Variants in MED20 observed in about 807,000 individuals in gnomAD.
MED20 encodes the protein mediator complex subunit 20.
Under a neutral mutation model 19.7 loss-of-function variants are expected in MED20, and 19 were observed. The ratio of observed to expected loss-of-function variants is 0.96; its 90% CI spans 0.67 to 1.42. MED20 has a LOEUF of 1.42. Among genes scored for constraint, MED20 ranks in the 40% most tolerant of loss-of-function variants. The pLI is 0.00. For missense variants in MED20, 225 were observed against 273.0 expected (o/e 0.82, Z 1.24); for synonymous variants, 105 against 104.8 (o/e 1.00, Z -0.01).
intron 1 of MED20, chr6:41,918,054 G>T: frequency 3.7e-6 from 1 of 266,812 alleles, no homozygotes; most frequent in Non-Finnish European, 7.8e-6. Flanking sequence ...CTCCTATGGT[G>T]AGTGAACCTC....
intron 2 of MED20, chr6:41,913,169 T>C (rs895763355): frequency 2.6e-5 from 4 of 151,640 alleles, no homozygotes; most frequent in African/African-American, 9.7e-5. Flanking sequence ...TCCAAACTAC[T>C]AAGTCAGAAA....
At chr6:41,912,671 C>T (rs1775226563) in intron 2 of MED20, among the ~76,000 whole-genome samples, 3 of 152,030 alleles carry the variant, frequency 2.0e-5, no homozygotes, top group Admixed American at 2.0e-4. Flanking sequence ...ATCGTATTTT[C>T]TATCACAGCA....
rs766509998 is a variant in MED20, at chr6:41,909,293, G to A, written c.399C>T (p.Pro133=). The A allele has an allele frequency of 6.8e-6, 11 of 1,613,868 alleles. No individual in the cohort carries two copies. In the South Asian group the frequency reaches 1.2e-4, roughly 18 times the overall value. ...LVKVGTVTMG[P]SARGISVEVE... ...CCTCCACAGAGATGCCCCGGGCACTGGGCCCCATTGTGACCGTGCCCACCT... is the reference window on the plus strand; with the variant it reads ...CCTCCACAGAGATGCCCCGGGCACTAGGCCCCATTGTGACCGTGCCCACCT... The change falls in exon 3 of 4, where the codon CCC becomes CCT. Residue 133 remains proline (P), a synonymous_variant. Transcript: ENST00000265350.
At chr6:41,916,497 T>G (rs757963571) in intron 2 of MED20, among the ~76,000 whole-genome samples, 3 of 151,538 alleles carry the variant, frequency 2.0e-5, no homozygotes, top group Admixed American at 6.6e-5. Flanking sequence ...GGAGAATCAC[T>G]TGAACCTGGG....
chr6:41,918,296 G>C (rs548916881), intron 1 of MED20, among the ~76,000 whole-genome samples: 1 of 151,758 alleles, frequency 6.6e-6, no homozygotes, highest in African/African-American at 2.4e-5. Flanking sequence ...TTGAGGTCAG[G>C]AGTTCGAGAC....
intron 1 of MED20, chr6:41,917,834 A>G (rs904965539): frequency 1.1e-5 from 5 of 468,608 alleles, no homozygotes; most frequent in Admixed American, 9.4e-5. Flanking sequence ...AGTAGCCCAG[A>G]GCCACAGGTG....
At position 41,918,840 on chromosome 6, in the gene MED20, G is replaced by A. The variant is rs1198722793; in HGVS notation, c.15-1901C>T. ...CGGGCGCCTGTAGTCCCAGCTACTCGGGAGGCTGAGGCAGGAGAATGGCGT... is the reference window on the plus strand; with the variant it reads ...CGGGCGCCTGTAGTCCCAGCTACTCAGGAGGCTGAGGCAGGAGAATGGCGT... On this transcript the variant is annotated intron_variant, in intron 1 of 3. Transcript: ENST00000265350. Among the ~76,000 whole-genome samples, 50 of 149,870 alleles carry A rather than the reference G, an allele frequency of 3.3e-4. No individual in the cohort carries two copies. In the South Asian group the frequency reaches 4.1e-3, roughly 12 times the overall value.
chr6:41,907,400 A>C, intron 3 of MED20, 113 bp from the exon 4 acceptor site: 1 of 941,692 alleles, frequency 1.1e-6, no homozygotes, highest in Non-Finnish European at 1.6e-6. Context: ...CTAAAGACAC[A>C]CACCTCCTAG....
At chr6:41,917,357 G>A (rs186671075) in intron 1 of MED20, 22 of 169,486 alleles carry the variant, frequency 1.3e-4, no homozygotes, top group Admixed American at 6.1e-4. Flanking sequence ...CCGAGACTGC[G>A]CCCTTGCACT....
chr6:41,917,797 A>C (rs2127380933), intron 1 of MED20: 1 of 471,278 alleles, frequency 2.1e-6, no homozygotes, highest in South Asian at 1.5e-5. Context: ...GTTTTTACCA[A>C]CTCTGTGAAC....
At chr6:41,910,070 T>C (rs1368154049) in intron 2 of MED20, among the ~76,000 whole-genome samples, 1 of 152,116 alleles carries the variant, frequency 6.6e-6, no homozygotes, top group East Asian at 1.9e-4. Flanking sequence ...GGATCCAAGC[T>C]GTGATAGGTC....
At chr6:41,913,192 G>T (rs1561937638) in intron 2 of MED20, 1 of 152,150 alleles carries the variant, frequency 6.6e-6, no homozygotes, top group Non-Finnish European at 1.5e-5. Context: ...TTGGCGTGGG[G>T]TCTAGCAATC....
At chr6:41,910,540 G>A (rs1260855263) in intron 2 of MED20, among the ~76,000 whole-genome samples, 1 of 151,196 alleles carries the variant, frequency 6.6e-6, no homozygotes, top group Non-Finnish European at 1.5e-5. Flanking sequence ...GCTGAGGCAC[G>A]AGAATCACCT....
At chr6:41,907,486 T>G (rs1306601411) in intron 3 of MED20, among the ~76,000 whole-genome samples, 199 bp from the exon 4 acceptor site, 1 of 152,130 alleles carries the variant, frequency 6.6e-6, no homozygotes, top group Non-Finnish European at 1.5e-5. Flanking sequence ...ATCTTTGACC[T>G]TCTCATCCTG....
chr6:41,919,772 T>C lies in MED20; in HGVS notation c.14+1233A>G, dbSNP rs143546450. Among the ~76,000 whole-genome samples, 375 of 152,032 alleles carry C rather than the reference T, an allele frequency of 2.5e-3. 3 individuals are homozygous for C. The highest frequency in any genetic ancestry group is 8.6e-3 in the African/African-American group (355 of 41,478). On this transcript the variant is annotated intron_variant, in intron 1 of 3. Coordinates refer to ENST00000265350, the MANE Select transcript of MED20 (RefSeq NM_004275.5). Reference sequence around the variant, plus strand: ...CAGCAAGACCCCATTTCTATTTCTTTAAAAAAAAGAAAGAGCAAGGGTTCC... The same window carrying C: ...CAGCAAGACCCCATTTCTATTTCTTCAAAAAAAAGAAAGAGCAAGGGTTCC...
At chr6:41,909,186 AG>A in intron 3 of MED20, 82 bp downstream of exon 3, 2 of 1,504,220 alleles carry the variant, frequency 1.3e-6, no homozygotes, top group African/African-American at 1.4e-5. Context: ...AAAAAAAAAA[AG>A]AGAAGAACTG....
chr6:41,909,136 T>C (rs1775125708), intron 3 of MED20, 133 bp downstream of exon 3: 1 of 1,252,428 alleles, frequency 8.0e-7, no homozygotes, highest in Non-Finnish European at 1.1e-6. Flanking sequence ...ATTGTGCCAT[T>C]GCATTCCAGC....
chr6:41,917,031 G>C (rs954117945), intron 1 of MED20, 92 bp from the exon 2 acceptor site: 7 of 1,341,626 alleles, frequency 5.2e-6, no homozygotes, highest in Non-Finnish European at 7.3e-6. Context: ...AGCTCATCAG[G>C]GCCAAAAGTT....
At chr6:41,913,014 G>C (rs1043353923) in intron 2 of MED20, 1 of 151,808 alleles carries the variant, frequency 6.6e-6, no homozygotes, top group Non-Finnish European at 1.5e-5. Context: ...GGATGCTGGG[G>C]CTGGAGGATC....
Sources: allele counts gnomAD v4.1 joint callset (sites outside exome capture counted in the v4.1 genomes callset), GRCh38; gene constraint gnomAD v4.1.1; transcripts MANE v1.5; gene names NCBI Gene and HGNC (gene_info 2026-07-23, HGNC 2026-07-21).